Variants in CD1B observed in about 807,000 individuals in gnomAD.
CD1B encodes CD1b molecule.
CD1B carries 43 observed loss-of-function variants against 39.8 expected under a neutral mutation model. The ratio of observed to expected loss-of-function variants is 1.08; its 90% confidence interval spans 0.85 to 1.39. CD1B has a LOEUF of 1.39. CD1B is among the 40% of genes most tolerant of loss of function. The pLI, the probability that CD1B is intolerant of heterozygous loss-of-function variation, is 0.00. For synonymous variants in CD1B, 192 were observed against 152.5 expected, an observed-to-expected ratio of 1.26 and a Z score of -1.91; for missense variants, 495 against 403.8, an observed-to-expected ratio of 1.23 and a Z score of -1.94.
chr1:158,321,568 T>C, the CD1B span, among the ~76,000 whole-genome samples: 1 of 152,334 alleles, frequency 6.6e-6, no homozygotes, highest in Admixed American at 6.5e-5. Context: ...CCTAGTTATT[T>C]TGTAGATCCT....
At chr1:158,328,281 G>A (rs1484840128) in intron 5 of CD1B, 24 bp from the exon 6 acceptor site, 1 of 1,601,376 alleles carries the variant, frequency 6.2e-7, no homozygotes, top group Admixed American at 1.7e-5. Context: ...AAGAACAAAA[G>A]AGCTCCACAT....
chr1:158,328,473 C>T (rs1414373163), intron 5 of CD1B, among the ~76,000 whole-genome samples: 3 of 152,066 alleles, frequency 2.0e-5, no homozygotes, highest in South Asian at 2.1e-4. Context: ...GAGGATATTA[C>T]GCTAAATGAA....
the CD1B span, among the ~76,000 whole-genome samples, chr1:158,294,073 AGC>A: frequency 6.6e-6 from 1 of 152,228 alleles, no homozygotes; most frequent in Admixed American, 6.5e-5. Flanking sequence ...GGAAAAGTGC[AGC>A]CTTGTGCCTT....
the CD1B span, among the ~76,000 whole-genome samples, chr1:158,314,785 T>A: frequency 6.6e-6 from 1 of 151,436 alleles, no homozygotes; most frequent in African/African-American, 2.4e-5. Context: ...TAGGTATATC[T>A]CCCAATGCTA....
chr1:158,306,721 A>G, the CD1B span, among the ~76,000 whole-genome samples: 3 of 152,220 alleles, frequency 2.0e-5, no homozygotes, highest in Non-Finnish European at 4.4e-5. Flanking sequence ...AGAAATTATA[A>G]CAAACTGTCT....
the CD1B span, among the ~76,000 whole-genome samples, chr1:158,319,023 C>A: frequency 9.2e-5 from 14 of 151,892 alleles, no homozygotes; most frequent in African/African-American, 3.1e-4. Flanking sequence ...GGGTTTCTGC[C>A]AAGAGATCCG....
chr1:158,287,315 C>T, the CD1B span, among the ~76,000 whole-genome samples: 4 of 151,646 alleles, frequency 2.6e-5, no homozygotes, highest in Non-Finnish European at 2.9e-5. Context: ...AGACAGAGAG[C>T]GACAGGGAGA....
chr1:158,308,367 G>C, the CD1B span, among the ~76,000 whole-genome samples: 1 of 152,148 alleles, frequency 6.6e-6, no homozygotes, highest in South Asian at 2.1e-4. Flanking sequence ...CCATGCTCAT[G>C]GGTAGGAAGA....
the CD1B span, chr1:158,293,255 GC>G: frequency 1.2e-6 from 2 of 1,614,134 alleles, no homozygotes; most frequent in Admixed American, 3.3e-5. Flanking sequence ...TAGTGATAGT[GC>G]CCTTGGTGAT....
the CD1B span, among the ~76,000 whole-genome samples, chr1:158,321,967 C>G: frequency 6.6e-6 from 1 of 152,052 alleles, no homozygotes; most frequent in Non-Finnish European, 1.5e-5. Flanking sequence ...CACCATGTGT[C>G]CATGTATAAC....
At chr1:158,289,789 C>A in the CD1B span, 2 of 360,246 alleles carry the variant, frequency 5.6e-6, no homozygotes, top group East Asian at 4.4e-5. Context: ...TTGTCTAAGG[C>A]AGTTGAGGAA....
the CD1B span, among the ~76,000 whole-genome samples, chr1:158,322,281 G>A: frequency 6.6e-6 from 1 of 152,132 alleles, no homozygotes; most frequent in Non-Finnish European, 1.5e-5. Context: ...CTATCACCCA[G>A]GCTGGAGTGC....
At chr1:158,312,326 C>T in the CD1B span, among the ~76,000 whole-genome samples, 1 of 152,158 alleles carries the variant, frequency 6.6e-6, no homozygotes, top group Non-Finnish European at 1.5e-5. Flanking sequence ...CATGCACAAA[C>T]TCTCTTCTCT....
the CD1B span, among the ~76,000 whole-genome samples, chr1:158,319,032 C>T: frequency 1.4e-4 from 21 of 151,792 alleles, no homozygotes; most frequent in East Asian, 9.7e-4. Flanking sequence ...CCAAGAGATC[C>T]GCTGTTAGTC....
chr1:158,331,506 G>C lies in CD1B; in HGVS notation c.-83C>G. On this transcript the variant is annotated 5_prime_UTR_variant, in exon 1 of 6. Transcript: ENST00000368168. ...CAAAGCTTTTCCTCAGTACCCTGTA[G>C]TGACTTCTTCTCTCTTCCAACTGCC... The C allele has an allele frequency of 1.8e-6, 2 of 1,118,658 alleles. No homozygotes were observed. Among genetic ancestry groups the C allele is most frequent in the Non-Finnish European group, 2.7e-6 (2 of 744,722 alleles). 69.3% of individuals were successfully genotyped at this position (1,118,658 alleles called of 1,614,324 possible).
the CD1B span, among the ~76,000 whole-genome samples, chr1:158,315,897 C>T: frequency 6.6e-6 from 1 of 152,024 alleles, no homozygotes; most frequent in African/African-American, 2.4e-5. Flanking sequence ...TATCCCAGCA[C>T]CATTTATTAA....
At chr1:158,321,281 T>C in the CD1B span, among the ~76,000 whole-genome samples, 3 of 152,156 alleles carry the variant, frequency 2.0e-5, no homozygotes, top group African/African-American at 7.2e-5. Flanking sequence ...TTTTTTACAG[T>C]TTTTTTGGCT....
At chr1:158,326,214 C>T (rs565763621), downstream of CD1B, among the ~76,000 whole-genome samples, 14 of 152,156 alleles carry the variant, frequency 9.2e-5, no homozygotes, top group South Asian at 6.2e-4. Context: ...CCTCGTGATC[C>T]GCCCGCCTCG....
the CD1B span, chr1:158,293,533 T>C: frequency 6.2e-7 from 1 of 1,613,930 alleles, no homozygotes; most frequent in Non-Finnish European, 8.5e-7. Flanking sequence ...AGGAGCCTAG[T>C]ACAATATAGT....
Sources: gnomAD v4.1 joint callset for allele counts (sites outside exome capture counted in the v4.1 genomes callset) on GRCh38, gnomAD v4.1.1 for gene constraint, MANE v1.5 for transcripts, NCBI Gene and HGNC (gene_info 2026-07-23, HGNC 2026-07-21) for gene names.